The following MMP16 variants were observed in gnomAD, a reference collection of about 807,000 sequenced individuals.
MMP16 encodes matrix metallopeptidase 16, also known as matrix metalloproteinase-16.
A neutral mutation model predicts 67.8 loss-of-function variants in MMP16; 12 were observed. That is an observed-to-expected ratio of 0.18 (90% CI 0.11 to 0.29). The LOEUF is 0.29. MMP16 is among the 10% of genes least tolerant of loss of function. MMP16 has a pLI of 1.00. For synonymous variants in MMP16, 249 were observed against 255.9 expected (o/e 0.97, Z 0.26); for missense variants, 475 against 765.7 (o/e 0.62, Z 4.48).
chr8:88,252,368 T>G (rs780695858), intron 1 of MMP16, among the ~76,000 whole-genome samples: 7 of 152,102 alleles, frequency 4.6e-5, no homozygotes, highest in Non-Finnish European at 8.8e-5. Flanking sequence ...TGGACAACTG[T>G]AGCCCTCCAA....
chr8:88,121,768 T>C lies in MMP16; in HGVS notation c.710-2907A>G, dbSNP rs562936544. Among the ~76,000 whole-genome samples the C allele has an allele frequency of 3.9e-5, 6 of 152,178 alleles. No homozygotes were observed. The South Asian group carries it at 1.2e-3, about 32-fold the overall frequency. ...ATCTCCTTTCCTTTGTATACTCCAA[T>C]ACAATGTTAGAATATTAAACTATAT... is the stretch of plus-strand genomic sequence containing the variant. On this transcript the variant is annotated intron_variant, in intron 4 of 9. Transcript: ENST00000286614.
At chr8:88,048,701 G>A (rs928118315) in intron 8 of MMP16, among the ~76,000 whole-genome samples, 6 of 152,148 alleles carry the variant, frequency 3.9e-5, no homozygotes, top group East Asian at 3.9e-4. Context: ...CACCAAATAC[G>A]TTTCCCAATT....
chr8:88,221,277 CA>C (rs1809678347), intron 1 of MMP16, among the ~76,000 whole-genome samples: 1 of 152,016 alleles, frequency 6.6e-6, no homozygotes, highest in Non-Finnish European at 1.5e-5. Context: ...TGTCAAATGC[CA>C]AAAGAAAACT....
chr8:88,217,739 A>G (rs1459169505), intron 1 of MMP16, among the ~76,000 whole-genome samples: 3 of 152,224 alleles, frequency 2.0e-5, no homozygotes, highest in Middle Eastern at 3.4e-3. Flanking sequence ...ATTTCCACTT[A>G]ATACAAATTT....
chr8:88,114,924 C>T (rs1809403496), intron 6 of MMP16, among the ~76,000 whole-genome samples: 1 of 151,898 alleles, frequency 6.6e-6, no homozygotes, highest in Admixed American at 6.6e-5. Flanking sequence ...ATTTCAGGAA[C>T]CAGTGATCAC....
chr8:88,265,650 T>G (rs1810465563), intron 1 of MMP16, among the ~76,000 whole-genome samples: 1 of 152,184 alleles, frequency 6.6e-6, no homozygotes, highest in Non-Finnish European at 1.5e-5. Context: ...GAAAGTACCT[T>G]CAGATAAATA....
intron 4 of MMP16, among the ~76,000 whole-genome samples, chr8:88,141,515 C>G (rs1454636652): frequency 6.6e-6 from 1 of 152,102 alleles, no homozygotes; most frequent in East Asian, 1.9e-4. Context: ...TGAATCCCCA[C>G]CTACAACTAT....
At position 88,151,072 on chromosome 8, in the gene MMP16, G is replaced by C. The variant is rs1314332903; in HGVS notation, c.709+16597C>G. Among the ~76,000 whole-genome samples, 9 of 124,536 alleles carry C rather than the reference G, an allele frequency of 7.2e-5. No individual in the cohort carries two copies. In the South Asian group the frequency reaches 2.8e-3, roughly 39 times the overall value. 81.7% of individuals were successfully genotyped at this position (124,536 alleles called of 152,430 possible). A position where few individuals can be genotyped will look rare whatever the true frequency, so the allele number is the denominator to read the frequency against. The stretch of plus-strand genomic sequence containing the variant: ...GGCAGGGGTTGCAATCCTAGTCTCT[G>C]ATAAAACAGACTTTAAACCAACAAA... On this transcript the variant is annotated intron_variant, in intron 4 of 9. Coordinates refer to ENST00000286614, the MANE Select transcript of MMP16 (RefSeq NM_005941.5).
intron 1 of MMP16, among the ~76,000 whole-genome samples, chr8:88,238,909 G>A (rs1158560616): frequency 6.6e-6 from 1 of 152,098 alleles, no homozygotes; most frequent in Non-Finnish European, 1.5e-5. Flanking sequence ...TGGATCACTT[G>A]AGGTCAAGGG....
At chr8:88,311,714 G>A (rs28907890) in intron 1 of MMP16, among the ~76,000 whole-genome samples, 15 of 152,020 alleles carry the variant, frequency 9.9e-5, no homozygotes, top group African/African-American at 3.6e-4. Context: ...TTTCATTAAT[G>A]TTTAGGAGTG....
intron 8 of MMP16, among the ~76,000 whole-genome samples, chr8:88,049,468 A>G (rs1166062992): frequency 1.3e-5 from 2 of 152,216 alleles, no homozygotes; most frequent in Non-Finnish European, 2.9e-5. Context: ...TATTTAATAT[A>G]TATGTTAACT....
intron 1 of MMP16, among the ~76,000 whole-genome samples, chr8:88,213,664 C>T (rs1369318679): frequency 6.6e-6 from 1 of 152,026 alleles, no homozygotes; most frequent in African/African-American, 2.4e-5. Context: ...TTTTTCTAGT[C>T]CCAGTCCTAG....
chr8:88,110,600 T>C (rs1809318104), intron 6 of MMP16, among the ~76,000 whole-genome samples: 1 of 151,628 alleles, frequency 6.6e-6, no homozygotes. Flanking sequence ...AATTTTCGAT[T>C]ACACTGTGCT....
intron 1 of MMP16, among the ~76,000 whole-genome samples, chr8:88,300,239 A>G (rs1381974367): frequency 6.6e-6 from 1 of 152,192 alleles, no homozygotes; most frequent in Non-Finnish European, 1.5e-5. Flanking sequence ...CAAAATTCAT[A>G]CTTTCTATGT....
chr8:88,173,396 T>C (rs1330407305), intron 3 of MMP16, among the ~76,000 whole-genome samples: 1 of 152,114 alleles, frequency 6.6e-6, no homozygotes, highest in Non-Finnish European at 1.5e-5. Flanking sequence ...GTTTGAACCC[T>C]AATATTAGAA....
At chr8:88,161,496 A>C (rs1322003493) in intron 4 of MMP16, among the ~76,000 whole-genome samples, 1 of 152,036 alleles carries the variant, frequency 6.6e-6, no homozygotes, top group Non-Finnish European at 1.5e-5. Context: ...CTTTTCAAAA[A>C]ACCAGCTCCT....
At chr8:88,212,316 C>T (rs988485807) in intron 1 of MMP16, among the ~76,000 whole-genome samples, 3 of 152,076 alleles carry the variant, frequency 2.0e-5, no homozygotes, top group Non-Finnish European at 2.9e-5. Context: ...TCAAATTATA[C>T]ATGTACAAAA....
chr8:88,228,097 T>G (rs916367613), intron 1 of MMP16, among the ~76,000 whole-genome samples: 2 of 152,058 alleles, frequency 1.3e-5, no homozygotes, highest in African/African-American at 4.8e-5. Flanking sequence ...CCCTGTAAAC[T>G]TAGCAGTGAT....
chr8:88,264,380 T>G (rs2129957319), intron 1 of MMP16, among the ~76,000 whole-genome samples: 1 of 152,268 alleles, frequency 6.6e-6, no homozygotes, highest in East Asian at 1.9e-4. Context: ...TTAAAAATTT[T>G]TTTAGAGATA....
Sources: allele counts gnomAD v4.1 joint callset (sites outside exome capture counted in the v4.1 genomes callset), GRCh38; gene constraint gnomAD v4.1.1; transcripts MANE v1.5; gene names NCBI Gene and HGNC (gene_info 2026-07-23, HGNC 2026-07-21).